Variants in NSD3 observed in about 807,000 individuals in gnomAD.
The protein encoded by NSD3 is nuclear receptor binding SET domain protein 3, also known as histone-lysine N-methyltransferase NSD3.
Under a neutral mutation model 160.8 loss-of-function variants are expected in NSD3, and 24 were observed. That is an observed-to-expected ratio of 0.15 (90% CI 0.11 to 0.21). NSD3 has a LOEUF of 0.21. Ranked by LOEUF, NSD3 falls within the 10% of genes least tolerant of loss-of-function variation. The pLI, the probability that NSD3 is intolerant of heterozygous loss-of-function variation, is 1.00. For missense variants in NSD3, 1,157 were observed against 1,735.9 expected (o/e 0.67, Z 5.93); for synonymous variants, 520 against 600.0 (o/e 0.87, Z 1.95).
At chr8:38,309,042 C>T (rs1809472146) in intron 12 of NSD3, among the ~76,000 whole-genome samples, 1 of 151,732 alleles carries the variant, frequency 6.6e-6, no homozygotes, top group Non-Finnish European at 1.5e-5. Context: ...GGCACAGTGA[C>T]ACATGCCTGT....
intron 16 of NSD3, among the ~76,000 whole-genome samples, chr8:38,293,576 G>C (rs1563345072): frequency 6.6e-6 from 1 of 151,806 alleles, no homozygotes; most frequent in Non-Finnish European, 1.5e-5. Flanking sequence ...GAGAGAGGGA[G>C]AACAAACATA....
In NSD3 at chr8:38,288,529, C is replaced by T. The variant is rs1306986724; in HGVS notation, c.3459G>A (p.Glu1153=). ...TGGTCCTGAGGCCCCAGCCTCTCCG[C>T]TCCGTTTTGATGATCTCTGCATCAG... ...LYPDAEIIKT[E]RRGWGLRTKR... The change falls in exon 19 of 24, where the codon GAG becomes GAA. Residue 1153 remains glutamate (E), a synonymous_variant. Coordinates refer to ENST00000317025, the MANE Select transcript of NSD3 (RefSeq NM_023034.2). The surrounding 1 kb of genome is among the most constrained non-coding windows in gnomAD (Gnocchi z 4.5). The T allele has an allele frequency of 6.2e-7, 1 of 1,614,220 alleles. No homozygotes were observed. Among genetic ancestry groups the T allele is most frequent in the Admixed American group, 1.7e-5 (1 of 60,026 alleles).
intron 15 of NSD3, among the ~76,000 whole-genome samples, chr8:38,296,197 T>TTAA (rs1171259554): frequency 1.3e-5 from 2 of 152,194 alleles, no homozygotes; most frequent in Non-Finnish European, 2.9e-5. Context: ...ATGTACTCTT[T>TTAA]ACTCCTTTAA....
At chr8:38,366,560 C>G (rs564532517) in intron 1 of NSD3, among the ~76,000 whole-genome samples, 1 of 151,740 alleles carries the variant, frequency 6.6e-6, no homozygotes, top group Non-Finnish European at 1.5e-5. Flanking sequence ...ACTACAGGCG[C>G]CCGCCACCAC....
chr8:38,336,266 C>T (rs1348177070), intron 4 of NSD3: 2 of 152,234 alleles, frequency 1.3e-5, no homozygotes, highest in African/African-American at 4.8e-5. Context: ...AAGTAAGTTC[C>T]AAGCTCAAAC....
intron 4 of NSD3, among the ~76,000 whole-genome samples, chr8:38,334,712 A>C (rs1035983936): frequency 3.3e-5 from 5 of 152,154 alleles, no homozygotes. Flanking sequence ...GTGAGCTGAG[A>C]TCGTGCTACT....
chr8:38,344,511 T>C (rs1034558695), intron 2 of NSD3, among the ~76,000 whole-genome samples: 4 of 152,138 alleles, frequency 2.6e-5, no homozygotes, highest in Non-Finnish European at 5.9e-5. Context: ...TGACCTTAAG[T>C]GATCCACCCA....
At chr8:38,323,080 A>C (rs1255585061) in intron 7 of NSD3, among the ~76,000 whole-genome samples, 1 of 152,030 alleles carries the variant, frequency 6.6e-6, no homozygotes, top group Non-Finnish European at 1.5e-5. Flanking sequence ...TTTGAGACGG[A>C]GTCTCTCCCT....
In NSD3 at chr8:38,276,571, T is replaced by C. The variant is rs923851252; in HGVS notation, c.3868-71A>G. 2.0e-6 allele frequency: 3 copies of C among 1,510,658 alleles called. No homozygotes were observed. In the Admixed American group the frequency reaches 5.6e-5, roughly 28 times the overall value. 93.6% of individuals were successfully genotyped at this position (1,510,658 alleles called of 1,614,324 possible). A position where few individuals can be genotyped will look rare whatever the true frequency, so the allele number is the denominator to read the frequency against. ...CATGAAGCTGGACACAGGAAAACCCTGCAACCTTGCATTCATTTAAATTCA... is the reference window on the plus strand; with the variant it reads ...CATGAAGCTGGACACAGGAAAACCCCGCAACCTTGCATTCATTTAAATTCA... On this transcript the variant is annotated intron_variant, in intron 22 of 23. Coordinates refer to ENST00000317025, the MANE Select transcript of NSD3 (RefSeq NM_023034.2).
chr8:38,299,362 G>T, intron 15 of NSD3, 82 bp downstream of exon 15: 1 of 1,435,560 alleles, frequency 7.0e-7, no homozygotes, highest in African/African-American at 1.4e-5. Context: ...TGCTTGACAG[G>T]CATACATTTC....
chr8:38,380,116 G>A (rs1455466444), intron 1 of NSD3, among the ~76,000 whole-genome samples: 2 of 152,160 alleles, frequency 1.3e-5, no homozygotes, highest in African/African-American at 2.4e-5. Context: ...GCACTGTGCT[G>A]AACTGGCATC....
chr8:38,279,378 C>G (rs1024742406), intron 21 of NSD3, among the ~76,000 whole-genome samples, 162 bp downstream of exon 21: 10 of 152,214 alleles, frequency 6.6e-5, no homozygotes, highest in Admixed American at 1.3e-4. Context: ...ACACTCAGTT[C>G]TAAATATAAC....
chr8:38,364,906 A>G (rs1310972470), intron 1 of NSD3, among the ~76,000 whole-genome samples: 4 of 152,254 alleles, frequency 2.6e-5, no homozygotes, highest in African/African-American at 9.6e-5. Flanking sequence ...AAAGATAAAT[A>G]ATGTGCAAGT....
chr8:38,366,321 T>C (rs1811104746), intron 1 of NSD3, among the ~76,000 whole-genome samples: 1 of 151,836 alleles, frequency 6.6e-6, no homozygotes, highest in African/African-American at 2.4e-5. Flanking sequence ...GCAAACACAC[T>C]GGAAAAATGA....
At chr8:38,315,281 G>C in intron 11 of NSD3, 135 bp downstream of exon 11, 1 of 1,079,500 alleles carries the variant, frequency 9.3e-7, no homozygotes, top group Non-Finnish European at 1.2e-6. Flanking sequence ...ACCACAAAGA[G>C]GTTTTATATC....
chr8:38,364,150 G>A lies in NSD3; in HGVS notation c.-44-15935C>T, dbSNP rs1440852078. 4.6e-5 allele frequency among the ~76,000 whole-genome samples: 7 copies of A among 152,136 alleles called. 1 individual carries two copies. In the South Asian group the frequency reaches 6.3e-4, roughly 14 times the overall value. ...AAATTAGCCAGGCATGGTGATGCGC[G>A]TCTGTAGTCCCAGCTACTCAGGGGG... On this transcript the variant is annotated intron_variant, in intron 1 of 23. Transcript: ENST00000317025.
intron 3 of NSD3, 81 bp downstream of exon 3, chr8:38,338,455 A>C: frequency 8.6e-7 from 1 of 1,160,024 alleles, no homozygotes; most frequent in South Asian, 1.2e-5. Flanking sequence ...TAGTACCAAT[A>C]CAATTGTGTT....
At chr8:38,343,862 A>G (rs570625280) in intron 2 of NSD3, among the ~76,000 whole-genome samples, 44 of 152,270 alleles carry the variant, frequency 2.9e-4, no homozygotes, top group African/African-American at 1.0e-3. Flanking sequence ...TGCTTTTTAT[A>G]AGGGGATATG....
intron 5 of NSD3, among the ~76,000 whole-genome samples, 160 bp from the exon 6 acceptor site, chr8:38,330,053 T>TAAAAAGATA (rs1034676807): frequency 6.6e-6 from 1 of 152,226 alleles, no homozygotes; most frequent in African/African-American, 2.4e-5. Context: ...ATAATTCTGA[T>TAAAAAGATA]AAAAAGATAT....
Sources: allele counts gnomAD v4.1 joint callset (sites outside exome capture counted in the v4.1 genomes callset), GRCh38; gene constraint gnomAD v4.1.1; non-coding constraint Gnocchi (gnomAD v3.1); transcripts MANE v1.5; gene names NCBI Gene and HGNC (gene_info 2026-07-23, HGNC 2026-07-21).